Variants in WHRN observed in about 807,000 individuals in gnomAD.
WHRN encodes whirlin.
WHRN carries 41 observed loss-of-function variants against 68.3 expected under a neutral mutation model. That is an observed-to-expected ratio of 0.60 (90% confidence interval 0.47 to 0.78). The LOEUF is 0.78. Ranked by LOEUF, WHRN falls within the 30% of genes least tolerant of loss-of-function variation. The pLI is 0.00. For missense variants in WHRN, 1,243 were observed against 1,244.7 expected (o/e 1.00, Z 0.02); for synonymous variants, 560 against 561.3 (o/e 1.00, Z 0.03).
intron 3 of WHRN, among the ~76,000 whole-genome samples, chr9:114,428,781 C>A (rs570441602): frequency 4.8e-4 from 73 of 152,208 alleles, no homozygotes; most frequent in Middle Eastern, 3.4e-3. Context: ...CCTTTACCCC[C>A]CTGAGCAGAT....
intron 1 of WHRN, among the ~76,000 whole-genome samples, chr9:114,498,523 C>T (rs950379130): frequency 6.6e-5 from 10 of 152,270 alleles, no homozygotes; most frequent in Admixed American, 5.2e-4. Context: ...GTAAGCACTG[C>T]TCAGAGAATG....
intron 3 of WHRN, among the ~76,000 whole-genome samples, chr9:114,447,392 A>G (rs1402089257): frequency 1.3e-5 from 2 of 152,230 alleles, no homozygotes; most frequent in African/African-American, 2.4e-5. Context: ...CCCTTACCAC[A>G]GGGTTGCTGT....
intron 3 of WHRN, among the ~76,000 whole-genome samples, chr9:114,443,699 TG>T (rs1366503785): frequency 6.6e-6 from 1 of 152,202 alleles, no homozygotes; most frequent in Non-Finnish European, 1.5e-5. Flanking sequence ...GGTCCATTAG[TG>T]TGCCTCCCAT....
In WHRN at chr9:114,446,247, G is replaced by A. The variant is rs12236814; in HGVS notation, c.964-19834C>T. On this transcript the variant is annotated intron_variant, in intron 3 of 11. Transcript: ENST00000362057. Reference sequence around the variant, plus strand: ...TAAGTAAAAGAAGGCAGACACAAAGGCCACATATTCTATGATTCATTGATA... The same window carrying A: ...TAAGTAAAAGAAGGCAGACACAAAGACCACATATTCTATGATTCATTGATA... Among the ~76,000 whole-genome samples the A allele has an allele frequency of 2.1e-3, 316 of 152,250 alleles. 9 individuals are homozygous for A. The South Asian group carries it at 0.034, about 16-fold the overall frequency.
At chr9:114,448,676 T>C (rs555833906) in intron 3 of WHRN, among the ~76,000 whole-genome samples, 1 of 152,208 alleles carries the variant, frequency 6.6e-6, no homozygotes, top group Admixed American at 6.5e-5. Flanking sequence ...CAGCCCAAAC[T>C]AGCACTGTGG....
chr9:114,404,171 T>C (rs1834866875), intron 9 of WHRN, 94 bp from the exon 10 acceptor site: 2 of 1,350,270 alleles, frequency 1.5e-6, no homozygotes, highest in African/African-American at 2.9e-5. Flanking sequence ...GCTGGAAGGC[T>C]GGGGGAATTC....
At chr9:114,457,641 C>A (rs1339161218) in intron 3 of WHRN, among the ~76,000 whole-genome samples, 2 of 152,042 alleles carry the variant, frequency 1.3e-5, no homozygotes, top group African/African-American at 4.8e-5. Context: ...GTTGGCCAGG[C>A]GCGGGGGCTC....
intron 1 of WHRN, chr9:114,491,661 C>T (rs146413779): frequency 1.3e-4 from 32 of 240,060 alleles, no homozygotes; most frequent in African/African-American, 5.7e-4. Context: ...GGCTTTTTGC[C>T]GCCACCCGCA....
chr9:114,448,343 C>T (rs1344609500), intron 3 of WHRN, among the ~76,000 whole-genome samples: 2 of 152,064 alleles, frequency 1.3e-5, no homozygotes, highest in African/African-American at 4.8e-5. Context: ...ACTGGAAGAG[C>T]GGTTGGAGGG....
intron 7 of WHRN, among the ~76,000 whole-genome samples, chr9:114,417,695 G>T (rs1451699697): frequency 6.6e-6 from 1 of 152,230 alleles, no homozygotes; most frequent in Non-Finnish European, 1.5e-5. Flanking sequence ...TGCAGCAAAA[G>T]CTTACTAATA....
At chr9:114,475,348 C>T (rs1192688779) in intron 2 of WHRN, among the ~76,000 whole-genome samples, 3 of 152,092 alleles carry the variant, frequency 2.0e-5, no homozygotes, top group Admixed American at 6.5e-5. Flanking sequence ...GCACTCTGCA[C>T]CCTGCCCCGT....
At chr9:114,457,914 C>CAAAAAA (rs11292103) in intron 3 of WHRN, among the ~76,000 whole-genome samples, 234 of 123,402 alleles carry the variant, frequency 1.9e-3, no homozygotes, top group African/African-American at 6.7e-3. Context: ...AGACTCTGTT[C>CAAAAAA]AAAAAAAAAA....
chr9:114,487,496 T>A (rs892528887), intron 1 of WHRN, among the ~76,000 whole-genome samples: 1 of 152,204 alleles, frequency 6.6e-6, no homozygotes, highest in Non-Finnish European at 1.5e-5. Context: ...CAATACTCCA[T>A]CCCATTCCCT....
chr9:114,424,575 A>T, intron 5 of WHRN, 29 bp from the exon 6 acceptor site: 1 of 1,581,558 alleles, frequency 6.3e-7, no homozygotes, highest in Non-Finnish European at 8.6e-7. Context: ...GAAGCCCAGG[A>T]ATTCTTAGCT....
chr9:114,424,432 C>G lies in WHRN; in HGVS notation c.1318G>C (p.Ala440Pro), dbSNP rs4978584. 2 of 1,613,368 alleles carry G rather than the reference C, an allele frequency of 1.2e-6. No individual in the cohort carries two copies. Among genetic ancestry groups the G allele is most frequent in the Non-Finnish European group, 1.7e-6 (2 of 1,179,970 alleles). ...ARHLLNEQEH[A>P]TMAYYLDEYR... ...TCATCCAGGTAGTAGGCCATGGTGG[C>G]GTGTTCCTGCTCGTTCAGCAGGTGC... Residue 440 changes from alanine to proline, a missense_variant, in exon 6 of 12, where the codon GCC becomes CCC. Ala to Pro is a conservative substitution (Grantham distance 27, BLOSUM62 -1). Coordinates refer to ENST00000362057, the MANE Select transcript of WHRN (RefSeq NM_015404.4).
In WHRN at chr9:114,424,354, G is replaced by C; in HGVS notation, c.1396C>G (p.Leu466Val). Reference protein sequence around the residue: ...VEALVMALFKLLNTHAKFSLL... With the variant: ...VEALVMALFKVLNTHAKFSLL... ...GTCACCTTGGCGTGGGTGTTGAGCA[G>C]CTTGAACAGGGCCATGACGAGGGCC... is the stretch of plus-strand genomic sequence containing the variant. Residue 466 changes from leucine to valine, a missense_variant, in exon 6 of 12, where the codon CTG becomes GTG. Leu to Val is a conservative substitution (Grantham distance 32). Coordinates refer to ENST00000362057, the MANE Select transcript of WHRN (RefSeq NM_015404.4). 1 of 1,612,332 alleles carries C rather than the reference G, an allele frequency of 6.2e-7. No homozygotes were observed. Among genetic ancestry groups the C allele is most frequent in the South Asian group, 1.1e-5 (1 of 91,006 alleles).
intron 3 of WHRN, among the ~76,000 whole-genome samples, chr9:114,464,993 C>T (rs560094755): frequency 6.6e-4 from 100 of 152,252 alleles, no homozygotes; most frequent in Middle Eastern, 6.8e-3. Flanking sequence ...CCAGCAGGTT[C>T]AGTGTTTGGT....
In WHRN at chr9:114,426,306, C is replaced by T; in HGVS notation, c.1071G>A (p.Lys357=). ...KSSRHLILTV[K]DVGRLPHART... ...GGGCATGGGGCAGCCTCCCGACGTC[C>T]TTCACTGTCAGGATGAGGTGCCGAG... Residue 357 remains lysine (K), a synonymous_variant, in exon 4 of 12, where the codon AAG becomes AAA. Transcript: ENST00000362057. 5 of 1,613,890 alleles carry T rather than the reference C, an allele frequency of 3.1e-6. No individual in the cohort carries two copies. The highest frequency in any genetic ancestry group is 2.2e-5 in the South Asian group (2 of 91,064).
intron 3 of WHRN, among the ~76,000 whole-genome samples, chr9:114,465,699 C>T (rs1174014669): frequency 6.6e-6 from 1 of 152,240 alleles, no homozygotes; most frequent in African/African-American, 2.4e-5. Flanking sequence ...GTCTGCTCTG[C>T]AACCCACCAG....
Sources: allele counts gnomAD v4.1 joint callset (sites outside exome capture counted in the v4.1 genomes callset), GRCh38; gene constraint gnomAD v4.1.1; transcripts MANE v1.5; gene names NCBI Gene and HGNC (gene_info 2026-07-23, HGNC 2026-07-21).